The following MAGI2 variants were observed in gnomAD, a reference collection of about 807,000 sequenced individuals.
The protein encoded by MAGI2 is membrane-associated guanylate kinase, WW and PDZ domain-containing protein 2.
Under a neutral mutation model 133.3 loss-of-function variants are expected in MAGI2, and 35 were observed. The observed-to-expected ratio is 0.26, with a 90% CI of 0.20 to 0.35. The LOEUF (loss-of-function observed/expected upper bound fraction) is 0.35. Among genes scored for constraint, MAGI2 ranks in the 10% least tolerant of loss-of-function variants. The probability of loss-of-function intolerance (pLI) is 1.00; values close to 1 mark genes in which losing one functional copy is unlikely to be tolerated. For missense variants in MAGI2, 1,636 were observed against 1,863.4 expected (o/e 0.88, Z 2.25); for synonymous variants, 729 against 710.6 (o/e 1.03, Z -0.41).
At chr7:78,650,520 G>A (rs1194400742) in intron 2 of MAGI2, among the ~76,000 whole-genome samples, 2 of 152,156 alleles carry the variant, frequency 1.3e-5, no homozygotes, top group African/African-American at 4.8e-5. Flanking sequence ...CTTTCAAAAG[G>A]TCAGGAGATT....
chr7:78,527,886 T>C (rs930993607), intron 3 of MAGI2, among the ~76,000 whole-genome samples: 21 of 152,210 alleles, frequency 1.4e-4, no homozygotes, highest in Non-Finnish European at 2.5e-4. Context: ...TCCATATGGC[T>C]CCCAAGTGGA....
intron 1 of MAGI2, among the ~76,000 whole-genome samples, chr7:79,186,191 AATATATATATATATATATATATATAT>A (rs60719172): frequency 0.041 from 4,553 of 111,736 alleles, 187 homozygotes; most frequent in East Asian, 0.08. Context: ...TGCCTGGGAA[AATATATATATATATATATATATATAT>A]ATATATATAT....
chr7:78,244,893 A>G (rs1285974690), intron 10 of MAGI2, among the ~76,000 whole-genome samples: 4 of 152,186 alleles, frequency 2.6e-5, no homozygotes, highest in Non-Finnish European at 5.9e-5. Context: ...ATGAAATGGG[A>G]ATTGAGGGGT....
intron 6 of MAGI2, among the ~76,000 whole-genome samples, chr7:78,373,240 G>A (rs1026403199): frequency 1.3e-5 from 2 of 152,104 alleles, no homozygotes; most frequent in African/African-American, 4.8e-5. Flanking sequence ...AAACTGACTG[G>A]GATATTACCA....
At chr7:78,366,030 C>T (rs1793344893) in intron 7 of MAGI2, among the ~76,000 whole-genome samples, 1 of 152,096 alleles carries the variant, frequency 6.6e-6, no homozygotes, top group Admixed American at 6.6e-5. Flanking sequence ...GCTTTTTTTG[C>T]TACTGGGTTG....
rs1262242544 is a variant in MAGI2, at chr7:78,536,152, G to A, written c.539-14507C>T. On this transcript the variant is annotated intron_variant, in intron 3 of 21. Coordinates refer to ENST00000354212, the MANE Select transcript of MAGI2 (RefSeq NM_012301.4). ...TTTTGAGACGGAGTCTCGCTCTGTC[G>A]CCCAGGCTGGAGTGCAGTGGCGGGA... Among the ~76,000 whole-genome samples the A allele has an allele frequency of 1.7e-3, 167 of 99,736 alleles. 1 individual carries two copies. The highest frequency in any genetic ancestry group is 5.9e-3 in the African/African-American group (150 of 25,378). 65.4% of individuals were successfully genotyped at this position (99,736 alleles called of 152,430 possible). A position where few individuals can be genotyped will look rare whatever the true frequency, so the allele number is the denominator to read the frequency against.
At chr7:78,065,215 CT>C (rs1813692663) in intron 21 of MAGI2, among the ~76,000 whole-genome samples, 1 of 152,158 alleles carries the variant, frequency 6.6e-6, no homozygotes, top group Non-Finnish European at 1.5e-5. Context: ...TAGGTTACAG[CT>C]GTCTATACTT....
At chr7:78,506,488 T>C (rs1795098473) in intron 4 of MAGI2, among the ~76,000 whole-genome samples, 3 of 152,182 alleles carry the variant, frequency 2.0e-5, no homozygotes, top group Admixed American at 6.5e-5. Context: ...AACAAGAATC[T>C]GGAGCAGCTG....
At chr7:78,942,461 T>C (rs1299763603) in intron 2 of MAGI2, among the ~76,000 whole-genome samples, 1 of 152,182 alleles carries the variant, frequency 6.6e-6, no homozygotes, top group Non-Finnish European at 1.5e-5. Flanking sequence ...GAAACTTAGA[T>C]ATAAATGGAA....
At chr7:78,074,072 C>T (rs777917279) in intron 21 of MAGI2, among the ~76,000 whole-genome samples, 5 of 152,168 alleles carry the variant, frequency 3.3e-5, no homozygotes, top group Admixed American at 6.5e-5. Context: ...TATCATTTTC[C>T]GACTCCTCTT....
intron 1 of MAGI2, among the ~76,000 whole-genome samples, chr7:79,324,392 A>AT (rs1226592941): frequency 6.9e-6 from 1 of 145,540 alleles, no homozygotes; most frequent in Non-Finnish European, 1.5e-5. Context: ...GTGTGTATGT[A>AT]TATATATATA....
At chr7:78,252,043 G>A (rs1792437763) in intron 10 of MAGI2, 1 of 151,806 alleles carries the variant, frequency 6.6e-6, no homozygotes, top group African/African-American at 2.4e-5. Context: ...AGAAGCTGAG[G>A]TGAAGGATCA....
chr7:78,465,036 C>A (rs546330428), intron 6 of MAGI2, among the ~76,000 whole-genome samples: 3 of 152,136 alleles, frequency 2.0e-5, no homozygotes, highest in East Asian at 3.9e-4. Flanking sequence ...AAAAAGTTAC[C>A]TATTATGACA....
intron 8 of MAGI2, chr7:78,345,609 G>T: frequency 7.4e-6 from 2 of 270,894 alleles, no homozygotes; most frequent in Non-Finnish European, 1.4e-5. Context: ...TCTTGTGCTT[G>T]GTCTTTTAAG....
intron 1 of MAGI2, among the ~76,000 whole-genome samples, chr7:79,049,122 T>A (rs1812442587): frequency 6.6e-6 from 1 of 152,154 alleles, no homozygotes; most frequent in South Asian, 2.1e-4. Context: ...TAATCTTTAA[T>A]GTTACTCATC....
At chr7:78,858,343 T>C (rs1793839661) in intron 2 of MAGI2, among the ~76,000 whole-genome samples, 1 of 152,236 alleles carries the variant, frequency 6.6e-6, no homozygotes, top group Admixed American at 6.5e-5. Context: ...ATTGTGATAT[T>C]AGCGTGTCAA....
At chr7:78,050,232 T>C (rs1811873704) in intron 21 of MAGI2, among the ~76,000 whole-genome samples, 1 of 152,232 alleles carries the variant, frequency 6.6e-6, no homozygotes, top group Admixed American at 6.5e-5. Flanking sequence ...TACTCAATTT[T>C]GTCCTTGAAT....
At chr7:78,230,875 A>G (rs922459881) in intron 10 of MAGI2, among the ~76,000 whole-genome samples, 1 of 152,126 alleles carries the variant, frequency 6.6e-6, no homozygotes, top group African/African-American at 2.4e-5. Flanking sequence ...GTGTGTTCAA[A>G]AGCATCACTG....
intron 6 of MAGI2, among the ~76,000 whole-genome samples, chr7:78,374,984 C>T (rs1271207489): frequency 2.6e-5 from 4 of 151,798 alleles, no homozygotes; most frequent in African/African-American, 7.3e-5. Context: ...GGATTACAAG[C>T]GTACACCACT....
Sources: gnomAD v4.1 joint callset for allele counts (sites outside exome capture counted in the v4.1 genomes callset) on GRCh38, gnomAD v4.1.1 for gene constraint, MANE v1.5 for transcripts, NCBI Gene and HGNC (gene_info 2026-07-23, HGNC 2026-07-21) for gene names.